LLGL2: variants seen among roughly 807,000 people sequenced by gnomAD.
LLGL2 encodes LLGL2, scribble cell polarity complex component.
In LLGL2, 81 loss-of-function variants were observed where a neutral mutation model predicts 123.2. The ratio of observed to expected loss-of-function variants is 0.66; its 90% confidence interval spans 0.55 to 0.79. The LOEUF (loss-of-function observed/expected upper bound fraction) is 0.79. LLGL2 is among the 30% of genes least tolerant of loss of function. The probability of loss-of-function intolerance (pLI) is 0.00; values close to 1 mark genes in which losing one functional copy is unlikely to be tolerated. For synonymous variants in LLGL2, 577 were observed against 594.1 expected (o/e 0.97, Z 0.42); for missense variants, 1,273 against 1,414.6 (o/e 0.90, Z 1.61).
chr17:75,569,982 A>G lies in LLGL2; in HGVS notation c.1601A>G (p.Asn534Ser), dbSNP rs750385877. The change falls in exon 15 of 26, where the codon AAT becomes AGT. Residue 534 changes from asparagine to serine, a missense_variant. Transcript: ENST00000392550. ...TAGQVLVLEL[N>S]DEAAEQAVEQ... The stretch of plus-strand genomic sequence containing the variant: ...GCGCAGGTGCTGGTACTGGAACTGA[A>G]TGACGAGGCAGCGGAGCAGGCTGTG... 2.9e-5 allele frequency: 46 copies of G among 1,602,198 alleles called. No homozygotes were observed. The Middle Eastern group carries it at 1.7e-3, about 58-fold the overall frequency.
intron 17 of LLGL2, chr17:75,571,311 G>T: frequency 3.4e-6 from 2 of 592,946 alleles, no homozygotes; most frequent in Middle Eastern, 4.5e-4. Flanking sequence ...TATCCAGGCC[G>T]TAGCACCCTT....
At chr17:75,543,331 T>TA (rs1184360045) in intron 1 of LLGL2, 66 bp from the exon 2 acceptor site, 7 of 1,138,690 alleles carry the variant, frequency 6.1e-6, no homozygotes, top group Non-Finnish European at 8.7e-6. Flanking sequence ...CTCCACCTGT[T>TA]TGGGCCGGGC....
intron 1 of LLGL2, among the ~76,000 whole-genome samples, chr17:75,533,965 C>T (rs956957699): frequency 3.0e-4 from 45 of 152,228 alleles, no homozygotes; most frequent in African/African-American, 9.9e-4. Context: ...GCACAATCCC[C>T]ACCTCCTGGA....
At chr17:75,554,036 T>G (rs1165175486) in intron 2 of LLGL2, among the ~76,000 whole-genome samples, 1 of 152,198 alleles carries the variant, frequency 6.6e-6, no homozygotes, top group Non-Finnish European at 1.5e-5. Flanking sequence ...GTATGATGGC[T>G]CACACCTGTA....
chr17:75,557,471 G>A (rs748216459), intron 3 of LLGL2, among the ~76,000 whole-genome samples: 34 of 152,216 alleles, frequency 2.2e-4, no homozygotes, highest in Non-Finnish European at 4.4e-4. Flanking sequence ...ATGAAAAACC[G>A]GATCAGGTTG....
At chr17:75,543,556 G>GCCCCA in intron 2 of LLGL2, 55 bp downstream of exon 2, 1 of 1,467,966 alleles carries the variant, frequency 6.8e-7, no homozygotes, top group Non-Finnish European at 9.4e-7. Flanking sequence ...AAGCAGCTCA[G>GCCCCA]GCTGGGGCTG....
At chr17:75,526,039 C>G (rs764062126) in intron 1 of LLGL2, among the ~76,000 whole-genome samples, 1 of 152,146 alleles carries the variant, frequency 6.6e-6, no homozygotes, top group East Asian at 1.9e-4. Context: ...TCTGCCTGAT[C>G]TGCGCGATGA....
Position 75,559,493 on chromosome 17 carries a change from G to A in LLGL2, c.530+83G>A. On this transcript the variant is annotated intron_variant, in intron 6 of 25. Transcript: ENST00000392550. This position sits in a 1 kb window ranked among gnomAD's most constrained non-coding sequence, Gnocchi z 4.6. Reference sequence around the variant, plus strand: ...CCCCTTGGTCCCAGGACTCTGTCAGGAGCTGTCATTTCTCTGCTGGGAATT... The same window carrying A: ...CCCCTTGGTCCCAGGACTCTGTCAGAAGCTGTCATTTCTCTGCTGGGAATT... 2 of 1,482,336 alleles carry A rather than the reference G, an allele frequency of 1.3e-6. No homozygotes were observed. The highest frequency in any genetic ancestry group is 2.7e-5 in the South Asian group (2 of 74,870). 91.8% of individuals were successfully genotyped at this position (1,482,336 alleles called of 1,614,324 possible). A position where few individuals can be genotyped will look rare whatever the true frequency, so the allele number is the denominator to read the frequency against.
At chr17:75,550,973 C>T (rs189460732) in intron 2 of LLGL2, among the ~76,000 whole-genome samples, 16 of 152,232 alleles carry the variant, frequency 1.1e-4, no homozygotes, top group African/African-American at 2.2e-4. Context: ...AATCCCTTCC[C>T]TGTTCCCAAC....
At position 75,563,017 on chromosome 17, in the gene LLGL2, T is replaced by G; in HGVS notation, c.532T>G (p.Leu178Val). 1 of 1,611,714 alleles carries G rather than the reference T, an allele frequency of 6.2e-7. No individual in the cohort carries two copies. The highest frequency in any genetic ancestry group is 1.1e-5 in the South Asian group (1 of 91,080). ...GCTCACGGCACTCCCCTCGCCCAGG[T>G]TGCCAGAGGAGGCCCGCCACCGGCG... is the stretch of plus-strand genomic sequence containing the variant. ...TISSDAVLQR[L>V]PEEARHRRVF... Residue 178 changes from leucine (L) to valine (V), a missense_variant and splice_region_variant, in exon 7 of 26, where the codon TTG (leucine) becomes GTG (valine). Physicochemically the swap from Leu to Val is conservative, Grantham distance 32. Coordinates refer to ENST00000392550, the MANE Select transcript of LLGL2 (RefSeq NM_001031803.2).
intron 1 of LLGL2, 59 bp from the exon 2 acceptor site, chr17:75,543,338 G>A (rs567370775): frequency 5.8e-5 from 71 of 1,223,002 alleles, no homozygotes; most frequent in South Asian, 3.2e-4. Context: ...TGTTTGGGCC[G>A]GGCCTAATCG....
At position 75,544,636 on chromosome 17, in the gene LLGL2, G is replaced by A. The variant is rs559932866; in HGVS notation, c.75+1135G>A. On this transcript the variant is annotated intron_variant, in intron 2 of 25. Transcript: ENST00000392550. This position sits in a 1 kb window ranked among gnomAD's most constrained non-coding sequence, Gnocchi z 4.2. ...CTAGGCACAGTGGCCCAGGAATGCT[G>A]GCTGCTGCTGTGGGCTGGAGGGGAT... is the stretch of plus-strand genomic sequence containing the variant. 4.6e-4 allele frequency among the ~76,000 whole-genome samples: 70 copies of A among 152,312 alleles called. No homozygotes were observed. The highest frequency in any genetic ancestry group is 1.5e-3 in the African/African-American group (61 of 41,570).
intron 10 of LLGL2, chr17:75,568,253 C>T (rs1055061882): frequency 2.1e-6 from 3 of 1,423,544 alleles, no homozygotes; most frequent in South Asian, 1.5e-5. Flanking sequence ...TGTATCCCCC[C>T]AGGAGCCCTG....
chr17:75,573,610 A>G lies in LLGL2; in HGVS notation c.2855A>G (p.Lys952Arg), dbSNP rs983673187. The G allele has an allele frequency of 3.1e-6, 5 of 1,609,696 alleles. No individual in the cohort carries two copies. The highest frequency in any genetic ancestry group is 4.2e-6 in the Non-Finnish European group (5 of 1,179,250). The stretch of plus-strand genomic sequence containing the variant: ...CGCCCTGGTAACGGTGCGGGCCCCA[A>G]GAAGGCCCCGAGCCGAGCCAGGTGA... ...NHRPGNGAGP[K>R]KAPSRARNSG... The change falls in exon 21 of 26, where the codon AAG becomes AGG. Residue 952 changes from lysine to arginine, a missense_variant. Coordinates refer to ENST00000392550, the MANE Select transcript of LLGL2 (RefSeq NM_001031803.2).
chr17:75,528,515 G>A (rs555592535), intron 1 of LLGL2, among the ~76,000 whole-genome samples: 3 of 152,258 alleles, frequency 2.0e-5, no homozygotes, highest in South Asian at 2.1e-4. Flanking sequence ...AAGTTGGGCC[G>A]ATCGCCTGAG....
chr17:75,572,739 A>T (rs964803511), intron 19 of LLGL2, among the ~76,000 whole-genome samples: 7 of 150,214 alleles, frequency 4.7e-5, no homozygotes, highest in Non-Finnish European at 8.9e-5. Context: ...GAGGCAGAAG[A>T]ATTGCCTGAG....
At chr17:75,528,432 A>G (rs1004550066) in intron 1 of LLGL2, among the ~76,000 whole-genome samples, 2 of 152,054 alleles carry the variant, frequency 1.3e-5, no homozygotes, top group African/African-American at 4.8e-5. Context: ...ACTTTTTAAT[A>G]TACCGCAACA....
At chr17:75,543,310 G>A (rs1289485925) in intron 1 of LLGL2, 87 bp from the exon 2 acceptor site, 3 of 889,014 alleles carry the variant, frequency 3.4e-6, no homozygotes, top group Non-Finnish European at 5.1e-6. Flanking sequence ...GACTTGGAGA[G>A]AGAGGCCCTG....
At chr17:75,537,865 G>A (rs1016220678) in intron 1 of LLGL2, among the ~76,000 whole-genome samples, 2 of 144,436 alleles carry the variant, frequency 1.4e-5, no homozygotes, top group Non-Finnish European at 3.0e-5. Flanking sequence ...CTGTATTACA[G>A]TGGCACAATC....
Sources: gnomAD v4.1 joint callset for allele counts (sites outside exome capture counted in the v4.1 genomes callset) on GRCh38, gnomAD v4.1.1 for gene constraint, Gnocchi (gnomAD v3.1) non-coding constraint, MANE v1.5 for transcripts, NCBI Gene and HGNC (gene_info 2026-07-23, HGNC 2026-07-21) for gene names.